KCNAB1: variants seen among roughly 807,000 people sequenced by gnomAD.
The protein encoded by KCNAB1 is potassium voltage-gated channel subfamily A regulatory beta subunit 1.
A neutral mutation model predicts 64.6 loss-of-function variants in KCNAB1; 35 were observed. The observed-to-expected ratio is 0.54, with a 90% confidence interval of 0.41 to 0.72. The LOEUF is 0.72. KCNAB1 is among the 30% of genes least tolerant of loss of function. The pLI is 0.00. For missense variants in KCNAB1, 401 were observed against 512.9 expected (o/e 0.78, Z 2.11); for synonymous variants, 177 against 183.8 (o/e 0.96, Z 0.30).
chr3:156,357,158 C>T (rs1020447514), intron 1 of KCNAB1, among the ~76,000 whole-genome samples: 22 of 141,780 alleles, frequency 1.6e-4, no homozygotes, highest in Non-Finnish European at 3.2e-4. Flanking sequence ...CACATGTGCG[C>T]GCACACACAC....
intron 1 of KCNAB1, among the ~76,000 whole-genome samples, chr3:156,282,093 G>A (rs1451422089): frequency 3.9e-4 from 58 of 149,362 alleles, no homozygotes; most frequent in African/African-American, 1.4e-3. Context: ...GCTTTCTCTT[G>A]TGGGCATTTA....
At chr3:156,320,898 C>T (rs1285839042) in intron 1 of KCNAB1, among the ~76,000 whole-genome samples, 2 of 148,558 alleles carry the variant, frequency 1.3e-5, no homozygotes, top group Non-Finnish European at 2.9e-5. Flanking sequence ...AGCACAAGTG[C>T]TTGCTTGTCT....
chr3:156,512,864 A>C (rs565164238), intron 8 of KCNAB1, among the ~76,000 whole-genome samples: 56 of 152,348 alleles, frequency 3.7e-4, no homozygotes, highest in Middle Eastern at 6.8e-3. Flanking sequence ...TGGACACACA[A>C]TGGTGAATGA....
intron 1 of KCNAB1, among the ~76,000 whole-genome samples, chr3:156,229,096 ACT>A (rs1716363204): frequency 6.6e-6 from 1 of 151,642 alleles, no homozygotes; most frequent in Admixed American, 6.6e-5. Context: ...GAGGTTTGAA[ACT>A]CTGTTTTAAA....
chr3:156,432,838 C>A (rs1204720993), intron 2 of KCNAB1, among the ~76,000 whole-genome samples: 2 of 152,156 alleles, frequency 1.3e-5, no homozygotes, highest in African/African-American at 4.8e-5. Context: ...AGACATGTTG[C>A]TACAGGTGAC....
intron 1 of KCNAB1, among the ~76,000 whole-genome samples, chr3:156,166,521 A>G (rs1185429970): frequency 6.9e-6 from 1 of 144,784 alleles, no homozygotes; most frequent in Non-Finnish European, 1.5e-5. Flanking sequence ...AATTTAAAAA[A>G]TACATATATA....
At chr3:156,139,582 G>GTGTTTTTTTTTTTTT (rs1714573282) in intron 1 of KCNAB1, among the ~76,000 whole-genome samples, 1 of 49,616 alleles carries the variant, frequency 2.0e-5, no homozygotes, top group African/African-American at 7.3e-5. Flanking sequence ...CCATTGTACT[G>GTGTTTTTTTTTTTTT]TGTTTTTTTT....
intron 1 of KCNAB1, among the ~76,000 whole-genome samples, chr3:156,273,855 C>A (rs925012262): frequency 6.6e-6 from 1 of 152,136 alleles, no homozygotes; most frequent in East Asian, 1.9e-4. Context: ...CTGCCCCAAC[C>A]CACAGTTGTC....
chr3:156,482,557 A>T (rs192116049), intron 8 of KCNAB1, among the ~76,000 whole-genome samples: 1 of 151,776 alleles, frequency 6.6e-6, no homozygotes, highest in Non-Finnish European at 1.5e-5. Context: ...GGCAGTGGGG[A>T]GGGGGTTTGG....
Position 156,470,050 on chromosome 3 carries a change from G to A in KCNAB1, c.571+4364G>A, listed in dbSNP as rs147848593. ...ACAGAGTTCAGGCCACTTCTGTGCT[G>A]GGTGACCTTAGCCACCTGAGTTAGT... On this transcript the variant is annotated intron_variant, in intron 7 of 13. Transcript: ENST00000490337. 3.3e-5 allele frequency among the ~76,000 whole-genome samples: 5 copies of A among 152,304 alleles called. No homozygotes were observed. The East Asian group carries it at 9.7e-4, about 29-fold the overall frequency.
intron 1 of KCNAB1, among the ~76,000 whole-genome samples, chr3:156,302,505 C>A (rs955034806): frequency 1.3e-5 from 2 of 152,108 alleles, no homozygotes; most frequent in South Asian, 4.1e-4. Flanking sequence ...TGAAGCAAGG[C>A]AGCAAAAAGA....
At chr3:156,451,714 C>T (rs1244800993) in intron 2 of KCNAB1, among the ~76,000 whole-genome samples, 3 of 152,206 alleles carry the variant, frequency 2.0e-5, no homozygotes, top group South Asian at 2.1e-4. Context: ...CCGTCCCTCC[C>T]TGGTGCTCCC....
intron 1 of KCNAB1, among the ~76,000 whole-genome samples, chr3:156,362,149 A>G (rs1560217389): frequency 6.6e-6 from 1 of 152,090 alleles, no homozygotes. Flanking sequence ...ACATCTACAT[A>G]TATCTATCTA....
At chr3:156,291,652 C>T (rs1720431804) in intron 1 of KCNAB1, 2 of 1,372,324 alleles carry the variant, frequency 1.5e-6, no homozygotes, top group Non-Finnish European at 1.9e-6. Context: ...ATTCTCCCTC[C>T]AGCTGCTGTG....
chr3:156,310,831 G>A (rs1306368963), intron 1 of KCNAB1, among the ~76,000 whole-genome samples: 1 of 151,990 alleles, frequency 6.6e-6, no homozygotes, highest in Non-Finnish European at 1.5e-5. Flanking sequence ...CAAAAAAGAA[G>A]CTATCAGCTT....
chr3:156,511,397 C>A (rs553590102), intron 8 of KCNAB1, among the ~76,000 whole-genome samples: 1 of 152,276 alleles, frequency 6.6e-6, no homozygotes, highest in South Asian at 2.1e-4. Flanking sequence ...GCCACCGTGC[C>A]CCGCCCGTCA....
At chr3:156,316,439 A>G (rs940900283) in intron 1 of KCNAB1, among the ~76,000 whole-genome samples, 2 of 152,260 alleles carry the variant, frequency 1.3e-5, no homozygotes, top group East Asian at 1.9e-4. Context: ...CAGCTGTGCA[A>G]TCTTGGATGT....
intron 8 of KCNAB1, among the ~76,000 whole-genome samples, chr3:156,505,105 A>G (rs951932026): frequency 6.6e-6 from 1 of 152,118 alleles, no homozygotes. Flanking sequence ...AAATAGGAAT[A>G]TAGTTTCATT....
chr3:156,440,986 T>C (rs990883965), intron 2 of KCNAB1, among the ~76,000 whole-genome samples: 5 of 152,318 alleles, frequency 3.3e-5, no homozygotes, highest in African/African-American at 9.6e-5. Context: ...AAAAAGTACA[T>C]GAATCATTTT....
Sources: gnomAD v4.1 joint callset for allele counts (sites outside exome capture counted in the v4.1 genomes callset) on GRCh38, gnomAD v4.1.1 for gene constraint, MANE v1.5 for transcripts, NCBI Gene and HGNC (gene_info 2026-07-23, HGNC 2026-07-21) for gene names.